PATJ: variants seen among roughly 807,000 people sequenced by gnomAD.
PATJ encodes PATJ crumbs cell polarity complex component, also known as inaD-like protein.
In PATJ, 190 loss-of-function variants were observed where a neutral mutation model predicts 224.9. That is an observed-to-expected ratio of 0.84 (90% CI 0.75 to 0.95). PATJ has a LOEUF of 0.95. Ranked by LOEUF, PATJ falls within the 40% of genes least tolerant of loss-of-function variation. The pLI is 0.00. For synonymous variants in PATJ, 769 were observed against 820.3 expected, an observed-to-expected ratio of 0.94 and a Z score of 1.07; for missense variants, 2,121 against 2,270.3, an observed-to-expected ratio of 0.93 and a Z score of 1.34.
intron 18 of PATJ, among the ~76,000 whole-genome samples, chr1:61,859,632 T>G (rs567223704): frequency 3.3e-5 from 5 of 152,224 alleles, no homozygotes; most frequent in East Asian, 1.9e-4. Flanking sequence ...TGTTGTTGTT[T>G]TTTGAGATGG....
intron 33 of PATJ, among the ~76,000 whole-genome samples, chr1:62,087,618 G>C (rs1246463889): frequency 6.6e-6 from 1 of 151,706 alleles, no homozygotes; most frequent in Middle Eastern, 3.2e-3. Context: ...ATGTTTGCTG[G>C]TCATGGTCCT....
At chr1:61,821,471 C>A (rs1657253289) in intron 14 of PATJ, among the ~76,000 whole-genome samples, 1 of 152,198 alleles carries the variant, frequency 6.6e-6, no homozygotes, top group Non-Finnish European at 1.5e-5. Context: ...GGCTAGAAGT[C>A]CCTCATGTGC....
Position 61,801,777 on chromosome 1 carries a change from C to G in PATJ, c.1549+8C>G. 2 of 1,543,334 alleles carry G rather than the reference C, an allele frequency of 1.3e-6. No homozygotes were observed. Reference sequence around the variant, plus strand: ...AAGCCTTAGAAAAATTGGGTAGGCACAAAGCATTCACTTTGCGATAACAGA... The same window carrying G: ...AAGCCTTAGAAAAATTGGGTAGGCAGAAAGCATTCACTTTGCGATAACAGA... On this transcript the variant is annotated splice_region_variant and intron_variant, in intron 12 of 43. Coordinates refer to ENST00000642238, the MANE Select transcript of PATJ (RefSeq NM_001350145.3).
chr1:61,867,771 C>T (rs777023261), intron 20 of PATJ, among the ~76,000 whole-genome samples: 1 of 152,134 alleles, frequency 6.6e-6, no homozygotes, highest in Non-Finnish European at 1.5e-5. Context: ...GGAACACTTA[C>T]ACCCGTTGAT....
intron 43 of PATJ, among the ~76,000 whole-genome samples, chr1:62,154,384 C>T (rs183621871): frequency 5.3e-5 from 8 of 151,736 alleles, no homozygotes; most frequent in African/African-American, 1.2e-4. Flanking sequence ...TAAAGGTCTT[C>T]GAGGCTGGGC....
intron 22 of PATJ, among the ~76,000 whole-genome samples, chr1:61,886,972 C>A (rs187300918): frequency 2.6e-4 from 39 of 150,996 alleles, no homozygotes; most frequent in African/African-American, 8.3e-4. Flanking sequence ...CATAGCGAGA[C>A]CCTGTCTCAA....
At chr1:62,149,939 C>T (rs1668455490) in intron 42 of PATJ, among the ~76,000 whole-genome samples, 1 of 152,154 alleles carries the variant, frequency 6.6e-6, no homozygotes, top group South Asian at 2.1e-4. Context: ...CCACACTCCT[C>T]CCTCTTCCCC....
At chr1:61,785,215 C>G (rs1483617847) in intron 7 of PATJ, among the ~76,000 whole-genome samples, 1 of 152,188 alleles carries the variant, frequency 6.6e-6, no homozygotes, top group Admixed American at 6.5e-5. Context: ...TCATTGCTCT[C>G]TTTTCAAGCT....
At chr1:62,002,898 A>G (rs1448932384) in intron 28 of PATJ, among the ~76,000 whole-genome samples, 1 of 152,154 alleles carries the variant, frequency 6.6e-6, no homozygotes, top group African/African-American at 2.4e-5. Context: ...TGGGGTTCTA[A>G]TTAGATCAGC....
intron 41 of PATJ, 62 bp downstream of exon 41, chr1:62,129,007 G>A (rs1251700341): frequency 8.4e-5 from 89 of 1,064,312 alleles, no homozygotes; most frequent in Non-Finnish European, 5.9e-5. Context: ...AAAAAAGATT[G>A]AGCGTCACTG....
intron 31 of PATJ, among the ~76,000 whole-genome samples, chr1:62,052,164 G>A (rs1413439665): frequency 6.6e-6 from 1 of 152,138 alleles, no homozygotes; most frequent in Non-Finnish European, 1.5e-5. Flanking sequence ...TCACTTAGGA[G>A]TGTCATCTAA....
intron 24 of PATJ, among the ~76,000 whole-genome samples, chr1:61,902,576 T>C (rs1671331943): frequency 6.6e-6 from 1 of 152,148 alleles, no homozygotes; most frequent in Admixed American, 6.5e-5. Context: ...AGGAACTACA[T>C]AAAAGCTTGT....
At chr1:61,974,445 C>G (rs1364735166) in intron 27 of PATJ, among the ~76,000 whole-genome samples, 2 of 111,650 alleles carry the variant, frequency 1.8e-5, no homozygotes, top group East Asian at 5.7e-4. Flanking sequence ...TAGAGTTTCG[C>G]TCTTGTTGCC....
At position 61,884,247 on chromosome 1, in the gene PATJ, G is replaced by A. The variant is rs757577823; in HGVS notation, c.2970G>A (p.Pro990=). 5.6e-6 allele frequency: 9 copies of A among 1,602,184 alleles called. No individual in the cohort carries two copies. The highest frequency in any genetic ancestry group is 4.0e-5 in the African/African-American group (3 of 74,488). Residue 990 remains proline (P), a synonymous_variant, in exon 22 of 44, where the codon CCG becomes CCA. Coordinates refer to ENST00000642238, the MANE Select transcript of PATJ (RefSeq NM_001350145.3). The part of the protein sequence containing the change: ...AKTSLDLGMI[P]NDVQGPSLLI... The stretch of plus-strand genomic sequence containing the variant: ...GGATTTGCTCTTCAGGCATGATCCC[G>A]AATGATGTCCAAGGTCCTAGCTTGC...
intron 7 of PATJ, among the ~76,000 whole-genome samples, chr1:61,778,595 C>T (rs1390311020): frequency 2.0e-5 from 3 of 152,084 alleles, no homozygotes; most frequent in Non-Finnish European, 4.4e-5. Context: ...TCATCCAAAA[C>T]AGTATATTGT....
chr1:62,081,546 CA>C (rs2148739853), intron 32 of PATJ, among the ~76,000 whole-genome samples: 1 of 152,220 alleles, frequency 6.6e-6, no homozygotes, highest in East Asian at 1.9e-4. Context: ...TTTACAAAGG[CA>C]GTATAAACTT....
intron 28 of PATJ, chr1:62,013,459 A>G (rs1163772201): frequency 2.0e-6 from 2 of 985,260 alleles, no homozygotes; most frequent in African/African-American, 3.5e-5. Context: ...TGCACAAGCT[A>G]TGCATGAAAA....
At chr1:61,907,145 C>T (rs947664047) in intron 24 of PATJ, among the ~76,000 whole-genome samples, 2 of 152,124 alleles carry the variant, frequency 1.3e-5, no homozygotes, top group Non-Finnish European at 2.9e-5. Context: ...TTCCTGAGGC[C>T]GCCCCAGCCA....
chr1:61,790,980 A>G (rs1302126412), intron 8 of PATJ, among the ~76,000 whole-genome samples: 1 of 152,250 alleles, frequency 6.6e-6, no homozygotes, highest in African/African-American at 2.4e-5. Context: ...GCTGCCAGCC[A>G]GAGACCTCTT....
Sources: gnomAD v4.1 joint callset for allele counts (sites outside exome capture counted in the v4.1 genomes callset) on GRCh38, gnomAD v4.1.1 for gene constraint, MANE v1.5 for transcripts, NCBI Gene and HGNC (gene_info 2026-07-23, HGNC 2026-07-21) for gene names.